The following ARB2A variants were observed in gnomAD, a reference collection of about 807,000 sequenced individuals.
ARB2A encodes the protein cotranscriptional regulator ARB2A.
At chr5:94,073,113 A>G in the ARB2A span, among the ~76,000 whole-genome samples, 1 of 152,132 alleles carries the variant, frequency 6.6e-6, no homozygotes, top group Non-Finnish European at 1.5e-5. Context: ...AGTGATCATC[A>G]TTAGTTCACT....
At chr5:93,802,557 A>C in the ARB2A span, among the ~76,000 whole-genome samples, 1 of 152,138 alleles carries the variant, frequency 6.6e-6, no homozygotes, top group African/African-American at 2.4e-5. Flanking sequence ...CCATTTGTGA[A>C]TTACTTTTTC....
chr5:93,950,535 C>G, the ARB2A span, among the ~76,000 whole-genome samples: 1 of 151,936 alleles, frequency 6.6e-6, no homozygotes, highest in Non-Finnish European at 1.5e-5. Flanking sequence ...CCCAACGACT[C>G]GGGAGGCTGA....
At chr5:93,987,557 C>T in the ARB2A span, among the ~76,000 whole-genome samples, 1 of 152,208 alleles carries the variant, frequency 6.6e-6, no homozygotes, top group East Asian at 1.9e-4. Flanking sequence ...ATACTTCATT[C>T]TTGTGGGGTA....
At chr5:93,847,165 A>G in the ARB2A span, among the ~76,000 whole-genome samples, 1 of 152,168 alleles carries the variant, frequency 6.6e-6, no homozygotes, top group East Asian at 1.9e-4. Flanking sequence ...TTCAAGTTTG[A>G]TCATGAGATT....
At chr5:93,776,143 C>G in the ARB2A span, 1 of 1,586,344 alleles carries the variant, frequency 6.3e-7, no homozygotes, top group Non-Finnish European at 8.6e-7. Context: ...TCATATATCT[C>G]TCATCAAACA....
the ARB2A span, among the ~76,000 whole-genome samples, chr5:93,732,956 A>G: frequency 2.0e-5 from 3 of 152,038 alleles, no homozygotes; most frequent in Admixed American, 6.5e-5. Flanking sequence ...TATATCTTCT[A>G]AAAATGGTAT....
the ARB2A span, among the ~76,000 whole-genome samples, chr5:93,760,995 C>A: frequency 6.6e-6 from 1 of 152,202 alleles, no homozygotes; most frequent in African/African-American, 2.4e-5. Context: ...TCTTCACAAT[C>A]TATACATCTG....
chr5:93,943,967 C>CT, the ARB2A span, among the ~76,000 whole-genome samples: 2 of 152,122 alleles, frequency 1.3e-5, no homozygotes, highest in Non-Finnish European at 2.9e-5. Flanking sequence ...CTAAAAAACT[C>CT]TAACTCAACT....
the ARB2A span, among the ~76,000 whole-genome samples, chr5:93,707,392 T>A: frequency 1.2e-4 from 19 of 152,118 alleles, no homozygotes; most frequent in Non-Finnish European, 2.1e-4. Context: ...AGCATCTAGT[T>A]ATGTACTTGT....
chr5:93,713,973 A>G, the ARB2A span, among the ~76,000 whole-genome samples: 1 of 152,316 alleles, frequency 6.6e-6, no homozygotes, highest in Non-Finnish European at 1.5e-5. Flanking sequence ...TCAGGGGCCA[A>G]TAGGACTAGG....
chr5:93,892,020 C>T, the ARB2A span, among the ~76,000 whole-genome samples: 1 of 152,174 alleles, frequency 6.6e-6, no homozygotes, highest in Non-Finnish European at 1.5e-5. Flanking sequence ...TTTTCACACA[C>T]TCTCCCAGCT....
chr5:94,070,619 C>A, the ARB2A span, among the ~76,000 whole-genome samples: 1 of 151,860 alleles, frequency 6.6e-6, no homozygotes, highest in Non-Finnish European at 1.5e-5. Flanking sequence ...TGTACAAACA[C>A]ATATCAATAA....
At chr5:93,769,699 T>A in the ARB2A span, among the ~76,000 whole-genome samples, 1 of 152,178 alleles carries the variant, frequency 6.6e-6, no homozygotes, top group African/African-American at 2.4e-5. Flanking sequence ...CATTCTTTTT[T>A]AAAATTATGG....
chr5:93,955,701 T>C, the ARB2A span, among the ~76,000 whole-genome samples: 5 of 152,238 alleles, frequency 3.3e-5, no homozygotes, highest in African/African-American at 1.2e-4. Context: ...GCCATCAAGT[T>C]CTACATTTCC....
At chr5:93,990,297 T>A in the ARB2A span, among the ~76,000 whole-genome samples, 25 of 152,244 alleles carry the variant, frequency 1.6e-4, no homozygotes, top group Non-Finnish European at 2.9e-4. Flanking sequence ...GCAACTACAT[T>A]ATAGATTAAC....
At chr5:93,967,167 A>C in the ARB2A span, among the ~76,000 whole-genome samples, 1 of 152,154 alleles carries the variant, frequency 6.6e-6, no homozygotes, top group Non-Finnish European at 1.5e-5. Flanking sequence ...GAGATGAAAA[A>C]AGTATTTCTT....
chr5:93,875,799 GCA>G, the ARB2A span, among the ~76,000 whole-genome samples: 1 of 147,166 alleles, frequency 6.8e-6, no homozygotes, highest in Admixed American at 6.7e-5. Context: ...AGATCTGGGG[GCA>G]AAAAAAAAAA....
the ARB2A span, among the ~76,000 whole-genome samples, chr5:93,951,818 C>T: frequency 2.6e-5 from 4 of 151,896 alleles, no homozygotes; most frequent in African/African-American, 9.7e-5. Flanking sequence ...TCATGTACCC[C>T]ATAAATATAT....
chr5:93,933,860 G>T, the ARB2A span, among the ~76,000 whole-genome samples: 3 of 152,014 alleles, frequency 2.0e-5, no homozygotes, highest in African/African-American at 7.2e-5. Flanking sequence ...ATAAAAATTA[G>T]CCAGGAGTGG....
Sources: gnomAD v4.1 joint callset for allele counts (sites outside exome capture counted in the v4.1 genomes callset) on GRCh38, gnomAD v4.1.1 for gene constraint, MANE v1.5 for transcripts, NCBI Gene and HGNC (gene_info 2026-07-23, HGNC 2026-07-21) for gene names.